Variants in CNTNAP2 observed in about 807,000 individuals in gnomAD.
The protein encoded by CNTNAP2 is contactin associated protein 2, also known as contactin-associated protein-like 2.
Under a neutral mutation model 155.2 loss-of-function variants are expected in CNTNAP2, and 98 were observed. The ratio of observed to expected loss-of-function variants is 0.63; its 90% CI spans 0.54 to 0.75. The LOEUF (loss-of-function observed/expected upper bound fraction) is 0.75. Among genes scored for constraint, CNTNAP2 ranks in the 30% least tolerant of loss-of-function variants. The pLI, the probability that CNTNAP2 is intolerant of heterozygous loss-of-function variation, is 0.00. For missense variants in CNTNAP2, 1,727 were observed against 1,688.1 expected (o/e 1.02, Z -0.40); for synonymous variants, 651 against 631.2 (o/e 1.03, Z -0.47).
chr7:146,905,862 G>T (rs1446567322), intron 3 of CNTNAP2, among the ~76,000 whole-genome samples: 2 of 152,190 alleles, frequency 1.3e-5, no homozygotes, highest in East Asian at 3.9e-4. Flanking sequence ...GAAGATGGGT[G>T]ATTTCTGGAA....
At chr7:147,786,431 C>A (rs569367926) in intron 13 of CNTNAP2, among the ~76,000 whole-genome samples, 1 of 152,280 alleles carries the variant, frequency 6.6e-6, no homozygotes, top group South Asian at 2.1e-4. Flanking sequence ...TGCCGGATGG[C>A]ATGAGCCTCA....
chr7:146,311,273 CTG>C (rs987718504), intron 1 of CNTNAP2, among the ~76,000 whole-genome samples: 3 of 152,078 alleles, frequency 2.0e-5, no homozygotes, highest in African/African-American at 7.2e-5. Flanking sequence ...AAGCAAATTT[CTG>C]TGACCCAAAT....
At chr7:147,987,672 T>A (rs188137620) in intron 15 of CNTNAP2, among the ~76,000 whole-genome samples, 1 of 152,232 alleles carries the variant, frequency 6.6e-6, no homozygotes. Context: ...TTTTATACAT[T>A]TTATCTATTT....
chr7:147,163,520 A>G (rs1337421324), intron 8 of CNTNAP2, among the ~76,000 whole-genome samples: 6 of 152,158 alleles, frequency 3.9e-5, no homozygotes, highest in African/African-American at 7.2e-5. Flanking sequence ...CCTATCTCCT[A>G]TGGTTTGGGA....
chr7:146,350,021 G>T (rs1268096942), intron 1 of CNTNAP2, among the ~76,000 whole-genome samples: 1 of 152,096 alleles, frequency 6.6e-6, no homozygotes, highest in African/African-American at 2.4e-5. Context: ...GGCCTGCCTT[G>T]CTAGATTGGG....
intron 1 of CNTNAP2, among the ~76,000 whole-genome samples, chr7:146,573,231 C>A (rs1244829188): frequency 6.6e-6 from 1 of 152,126 alleles, no homozygotes; most frequent in Non-Finnish European, 1.5e-5. Context: ...CAGCCTCTGC[C>A]TCCCAGGTTC....
intron 1 of CNTNAP2, among the ~76,000 whole-genome samples, chr7:146,334,439 A>AAAC (rs1801240547): frequency 2.6e-5 from 4 of 151,830 alleles, no homozygotes; most frequent in African/African-American, 9.7e-5. Flanking sequence ...TCAAAAAAAA[A>AAAC]AAAAAAAAGC....
At chr7:147,361,375 C>T (rs962253360) in intron 9 of CNTNAP2, among the ~76,000 whole-genome samples, 5 of 152,142 alleles carry the variant, frequency 3.3e-5, no homozygotes, top group African/African-American at 1.2e-4. Context: ...GCATGCTTTG[C>T]AATTTTCAAC....
intron 13 of CNTNAP2, among the ~76,000 whole-genome samples, chr7:147,721,870 G>A (rs148510425): frequency 0.016 from 2,502 of 152,192 alleles, 225 homozygotes; most frequent in Admixed American, 0.15. Context: ...CCAAGCATCA[G>A]TCAAGTTCTG....
intron 3 of CNTNAP2, among the ~76,000 whole-genome samples, chr7:146,934,742 G>A (rs1362625754): frequency 6.6e-6 from 1 of 152,114 alleles, no homozygotes; most frequent in Non-Finnish European, 1.5e-5. Context: ...ACTGAATCAT[G>A]ACCAAGTCAA....
At chr7:147,479,797 C>T (rs1798389808) in intron 10 of CNTNAP2, among the ~76,000 whole-genome samples, 1 of 151,790 alleles carries the variant, frequency 6.6e-6, no homozygotes, top group South Asian at 2.1e-4. Flanking sequence ...AGCATTTAAA[C>T]ATTTCTATAA....
chr7:146,577,228 CA>C (rs1053107476), intron 1 of CNTNAP2, among the ~76,000 whole-genome samples: 2 of 151,994 alleles, frequency 1.3e-5, no homozygotes, highest in African/African-American at 4.8e-5. Flanking sequence ...TTGTTCTGCA[CA>C]GGGGTAAAGA....
chr7:146,297,141 C>G (rs1448070045), intron 1 of CNTNAP2, among the ~76,000 whole-genome samples: 1 of 151,984 alleles, frequency 6.6e-6, no homozygotes, highest in Non-Finnish European at 1.5e-5. Context: ...AATATTATTT[C>G]CATCATTTGT....
chr7:146,491,720 A>G (rs1326626746), intron 1 of CNTNAP2, among the ~76,000 whole-genome samples: 1 of 152,164 alleles, frequency 6.6e-6, no homozygotes, highest in Non-Finnish European at 1.5e-5. Flanking sequence ...CTGAGATGAA[A>G]CTAATGTCTC....
At chr7:146,414,550 A>G (rs1351200684) in intron 1 of CNTNAP2, among the ~76,000 whole-genome samples, 3 of 152,088 alleles carry the variant, frequency 2.0e-5, no homozygotes, top group Non-Finnish European at 4.4e-5. Context: ...GCAGCTGCCT[A>G]CTGTGTTATC....
intron 4 of CNTNAP2, chr7:147,081,586 TG>T (rs1287108192): frequency 2.5e-4 from 6 of 23,984 alleles, no homozygotes; most frequent in Admixed American, 4.1e-4. Flanking sequence ...GGCTAATTTG[TG>T]TGTGTGTGTG....
At chr7:147,899,216 TG>T (rs1799822098) in intron 13 of CNTNAP2, among the ~76,000 whole-genome samples, 1 of 152,156 alleles carries the variant, frequency 6.6e-6, no homozygotes, top group African/African-American at 2.4e-5. Context: ...GGCATGTGCC[TG>T]TAGTTCCAGC....
At chr7:146,823,743 A>G (rs1440796511) in intron 2 of CNTNAP2, among the ~76,000 whole-genome samples, 3 of 145,840 alleles carry the variant, frequency 2.1e-5, no homozygotes, top group Non-Finnish European at 2.9e-5. Context: ...TCAGTATTAT[A>G]TCTTCTAATT....
At chr7:148,058,080 A>T (rs1159066951) in intron 15 of CNTNAP2, among the ~76,000 whole-genome samples, 2 of 151,936 alleles carry the variant, frequency 1.3e-5, no homozygotes, top group Admixed American at 1.3e-4. Flanking sequence ...CCTGCTAAGA[A>T]GTACTTAAAA....
Sources: allele counts gnomAD v4.1 joint callset (sites outside exome capture counted in the v4.1 genomes callset), GRCh38; gene constraint gnomAD v4.1.1; transcripts MANE v1.5; gene names NCBI Gene and HGNC (gene_info 2026-07-23, HGNC 2026-07-21).